The following NUGGC variants were observed in gnomAD, a reference collection of about 807,000 sequenced individuals.
NUGGC encodes the protein nuclear GTPase, germinal center associated.
A neutral mutation model predicts 92.6 loss-of-function variants in NUGGC; 58 were observed. That is an observed-to-expected ratio of 0.63 (90% CI 0.51 to 0.78). The LOEUF (loss-of-function observed/expected upper bound fraction) is 0.78. Ranked by LOEUF, NUGGC falls within the 30% of genes least tolerant of loss-of-function variation. NUGGC has a pLI of 0.00. For synonymous variants in NUGGC, 376 were observed against 366.4 expected (o/e 1.03, Z -0.30); for missense variants, 925 against 964.6 (o/e 0.96, Z 0.54).
At chr8:28,053,446 A>C (rs1423437155) in intron 10 of NUGGC, among the ~76,000 whole-genome samples, 1 of 152,098 alleles carries the variant, frequency 6.6e-6, no homozygotes, top group African/African-American at 2.4e-5. Context: ...TCATTGTGCC[A>C]CTACACTCCA....
Position 28,029,213 on chromosome 8 carries a change from T to C in NUGGC, c.2154+53A>G, listed in dbSNP as rs114256518. On this transcript the variant is annotated intron_variant, in intron 17 of 18. Transcript: ENST00000413272. Reference sequence around the variant, plus strand: ...TTCCACCTTCTGCACTCGCTTCCTCTCCTCCCCCGGAGCCTCTCGGGGTCT... The same window carrying C: ...TTCCACCTTCTGCACTCGCTTCCTCCCCTCCCCCGGAGCCTCTCGGGGTCT... 3.3e-3 allele frequency: 5,111 copies of C among 1,562,438 alleles called. 144 individuals carry two copies. The African/African-American group carries it at 0.063, about 19-fold the overall frequency.
chr8:28,039,700 A>G lies in NUGGC; in HGVS notation c.1611+1351T>C, dbSNP rs1465508913. On this transcript the variant is annotated intron_variant, in intron 13 of 18. Transcript: ENST00000413272. ...CACATTTTCCACTGCTCACATTCCA[A>G]CTTTCCAAGGCCCACTAAAAACTAC... 2.6e-5 allele frequency among the ~76,000 whole-genome samples: 4 copies of G among 152,070 alleles called. No homozygotes were observed. The East Asian group carries it at 7.7e-4, about 29-fold the overall frequency.
chr8:28,081,008 A>T (rs1048461985), intron 1 of NUGGC, among the ~76,000 whole-genome samples: 68 of 138,816 alleles, frequency 4.9e-4, no homozygotes, highest in Admixed American at 8.2e-4. Context: ...AATTGGTTTT[A>T]AAAAAAATAC....
At chr8:28,057,456 T>C (rs1002815907) in intron 9 of NUGGC, among the ~76,000 whole-genome samples, 2 of 151,650 alleles carry the variant, frequency 1.3e-5, no homozygotes, top group African/African-American at 4.9e-5. Context: ...ACTGTCCTGC[T>C]TCAGCCTACT....
chr8:28,026,692 C>A (rs1370323254), intron 18 of NUGGC, among the ~76,000 whole-genome samples: 1 of 152,136 alleles, frequency 6.6e-6, no homozygotes, highest in East Asian at 1.9e-4. Flanking sequence ...TTCAGTGAAA[C>A]CATGAGCACA....
intron 11 of NUGGC, among the ~76,000 whole-genome samples, chr8:28,046,680 A>ATTT (rs4054869): frequency 0.3 from 41,267 of 139,274 alleles, 6,186 homozygotes; most frequent in East Asian, 0.44. Context: ...TGATAACCCA[A>ATTT]TTTTTTTTTT....
intron 10 of NUGGC, among the ~76,000 whole-genome samples, chr8:28,050,386 AAAAAAAG>A (rs1223888723): frequency 6.6e-6 from 1 of 152,106 alleles, no homozygotes. Flanking sequence ...ACTCTGTTAA[AAAAAAAG>A]AAAAAAGGAA....
At chr8:28,065,320 G>A (rs998345616) in intron 6 of NUGGC, among the ~76,000 whole-genome samples, 2 of 151,848 alleles carry the variant, frequency 1.3e-5, no homozygotes, top group East Asian at 1.9e-4. Flanking sequence ...AACCACGCCC[G>A]GCTAATTTTT....
At chr8:28,025,423 C>T (rs1809232760) in intron 18 of NUGGC, among the ~76,000 whole-genome samples, 1 of 152,196 alleles carries the variant, frequency 6.6e-6, no homozygotes, top group Non-Finnish European at 1.5e-5. Context: ...TGCTATAATT[C>T]TTGAAGTTCA....
chr8:28,080,365 T>A (rs1037103163), intron 1 of NUGGC, among the ~76,000 whole-genome samples: 1 of 152,254 alleles, frequency 6.6e-6, no homozygotes, highest in African/African-American at 2.4e-5. Context: ...TCAATGTGTT[T>A]ATTACAAATG....
intron 2 of NUGGC, among the ~76,000 whole-genome samples, chr8:28,074,049 T>C (rs892908199): frequency 6.6e-6 from 1 of 151,800 alleles, no homozygotes; most frequent in African/African-American, 2.4e-5. Context: ...TCCACCCGCC[T>C]CAGCCTCCCA....
At chr8:28,056,477 C>CA (rs1281043672) in intron 9 of NUGGC, among the ~76,000 whole-genome samples, 5,276 of 125,746 alleles carry the variant, frequency 0.042, 148 homozygotes, top group African/African-American at 0.086. Context: ...GACTGTATCT[C>CA]AAAAAAAAAA....
At chr8:28,055,871 G>A in intron 10 of NUGGC, 94 bp downstream of exon 10, 1 of 659,070 alleles carries the variant, frequency 1.5e-6, no homozygotes, top group Non-Finnish European at 2.6e-6. Flanking sequence ...CAAAACTTTG[G>A]CCCTTGCAAC....
intron 14 of NUGGC, among the ~76,000 whole-genome samples, 192 bp from the exon 15 acceptor site, chr8:28,031,573 G>C (rs1271392757): frequency 6.6e-6 from 1 of 152,220 alleles, no homozygotes; most frequent in Non-Finnish European, 1.5e-5. Context: ...TGAAGTTCGT[G>C]AGATAATGCT....
chr8:28,033,438 G>T, intron 14 of NUGGC, 102 bp downstream of exon 14: 1 of 1,126,420 alleles, frequency 8.9e-7, no homozygotes, highest in Non-Finnish European at 1.3e-6. Context: ...CCAGTTACAA[G>T]CTACTCTTTA....
chr8:28,049,754 G>A (rs1809940048), intron 10 of NUGGC, among the ~76,000 whole-genome samples: 2 of 152,182 alleles, frequency 1.3e-5, no homozygotes, highest in South Asian at 4.1e-4. Context: ...TTTGTAAAAA[G>A]ATGTTGTATG....
intron 14 of NUGGC, 134 bp downstream of exon 14, chr8:28,033,406 C>A: frequency 1.2e-6 from 1 of 837,184 alleles, no homozygotes; most frequent in Non-Finnish European, 1.8e-6. Flanking sequence ...TTGTGTTTTG[C>A]CAAGGACTAA....
At chr8:28,041,488 G>A (rs1809697956) in intron 12 of NUGGC, among the ~76,000 whole-genome samples, 1 of 152,232 alleles carries the variant, frequency 6.6e-6, no homozygotes. Context: ...TTTCAGCTGT[G>A]TAATCCATCA....
chr8:28,053,162 C>A (rs988238652), intron 10 of NUGGC, among the ~76,000 whole-genome samples: 1 of 152,064 alleles, frequency 6.6e-6, no homozygotes, highest in African/African-American at 2.4e-5. Context: ...GTGATTAAAA[C>A]TAAATTTGCT....
Sources: allele counts gnomAD v4.1 joint callset (sites outside exome capture counted in the v4.1 genomes callset), GRCh38; gene constraint gnomAD v4.1.1; transcripts MANE v1.5; gene names NCBI Gene and HGNC (gene_info 2026-07-23, HGNC 2026-07-21).